IL1RAPL2: variants seen among roughly 807,000 people sequenced by gnomAD.
IL1RAPL2 encodes the protein X-linked interleukin-1 receptor accessory protein-like 2.
IL1RAPL2 carries 3 observed loss-of-function variants against 44.1 expected under a neutral mutation model. The ratio of observed to expected loss-of-function variants is 0.07; its 90% CI spans 0.03 to 0.18. IL1RAPL2 has a LOEUF of 0.18. Ranked by LOEUF, IL1RAPL2 falls within the 10% of genes least tolerant of loss-of-function variation. The pLI, the probability that IL1RAPL2 is intolerant of heterozygous loss-of-function variation, is 1.00. For synonymous variants in IL1RAPL2, 181 were observed against 178.8 expected, an observed-to-expected ratio of 1.01 and a Z score of -0.10; for missense variants, 391 against 496.4, an observed-to-expected ratio of 0.79 and a Z score of 2.02.
chrX:105,690,696 T>C (rs888735395), intron 6 of IL1RAPL2, among the ~76,000 whole-genome samples: 1 of 112,183 alleles, frequency 8.9e-6, no homozygotes. Context: ...TTCCTTATTT[T>C]CTGAGAATTT....
intron 2 of IL1RAPL2, among the ~76,000 whole-genome samples, chrX:104,785,637 C>T (rs1376841501): frequency 1.8e-5 from 2 of 111,661 alleles, no homozygotes; most frequent in African/African-American, 3.3e-5. Flanking sequence ...TCAACCCCCA[C>T]TGCTAGCATT....
At chrX:105,329,558 A>G (rs2034969384) in intron 5 of IL1RAPL2, among the ~76,000 whole-genome samples, 1 of 112,209 alleles carries the variant, frequency 8.9e-6, no homozygotes, top group Non-Finnish European at 1.9e-5. Context: ...ATTGAAAACT[A>G]AGAACAATTG....
At chrX:105,297,522 G>A (rs2034662587) in intron 5 of IL1RAPL2, among the ~76,000 whole-genome samples, 1 of 110,611 alleles carries the variant, frequency 9.0e-6, no homozygotes, top group Non-Finnish European at 1.9e-5. Context: ...GAGGCGAAGG[G>A]GAGGCAGGCA....
chrX:105,523,566 A>G (rs776916245), intron 6 of IL1RAPL2, among the ~76,000 whole-genome samples: 1 of 111,347 alleles, frequency 9.0e-6, no homozygotes, highest in Non-Finnish European at 1.9e-5. Context: ...AATTGAAACA[A>G]ATTGTTTCAT....
chrX:105,105,262 G>C (rs2032724220), intron 2 of IL1RAPL2, among the ~76,000 whole-genome samples: 1 of 111,981 alleles, frequency 8.9e-6, no homozygotes, highest in Admixed American at 9.5e-5. Context: ...GTCAGGCAGT[G>C]TGCTAGGTTC....
chrX:104,705,954 A>G (rs199730538), intron 2 of IL1RAPL2, among the ~76,000 whole-genome samples: 2 of 112,233 alleles, frequency 1.8e-5, no homozygotes, highest in East Asian at 5.6e-4. Flanking sequence ...TGTTTATTAA[A>G]CATTCAAGTG....
At chrX:105,040,142 G>A (rs1029579584) in intron 2 of IL1RAPL2, among the ~76,000 whole-genome samples, 16 of 111,487 alleles carry the variant, frequency 1.4e-4, no homozygotes, top group Admixed American at 1.2e-3. Context: ...AGATAATCAT[G>A]TGGTTTTTGT....
intron 5 of IL1RAPL2, among the ~76,000 whole-genome samples, chrX:105,391,458 C>G (rs868509284): frequency 7.0e-4 from 70 of 99,544 alleles, no homozygotes; most frequent in African/African-American, 2.6e-3. Flanking sequence ...CCATCTCACA[C>G]CAGTTAGAAT....
At chrX:105,306,246 A>G (rs1160202412) in intron 5 of IL1RAPL2, among the ~76,000 whole-genome samples, 1 of 111,429 alleles carries the variant, frequency 9.0e-6, no homozygotes, top group Non-Finnish European at 1.9e-5. Context: ...TTTTTTCAGA[A>G]AAATCTTAAA....
intron 5 of IL1RAPL2, among the ~76,000 whole-genome samples, chrX:105,335,468 A>G (rs1318005643): frequency 1.8e-5 from 2 of 110,875 alleles, no homozygotes; most frequent in Non-Finnish European, 1.9e-5. Flanking sequence ...TTCTTCTCCT[A>G]GCAGCCACAA....
At chrX:104,912,609 GA>G (rs1440651819) in intron 2 of IL1RAPL2, among the ~76,000 whole-genome samples, 7 of 111,427 alleles carry the variant, frequency 6.3e-5, no homozygotes. Context: ...TCAGAGGTAG[GA>G]AAAATACTTA....
intron 1 of IL1RAPL2, among the ~76,000 whole-genome samples, chrX:104,621,727 A>AT (rs1294665634): frequency 9.0e-6 from 1 of 111,070 alleles, no homozygotes; most frequent in Non-Finnish European, 1.9e-5. Context: ...CAAATTGATA[A>AT]TTTTTTTCTC....
intron 2 of IL1RAPL2, among the ~76,000 whole-genome samples, chrX:105,087,003 T>A (rs1332784330): frequency 9.1e-6 from 1 of 109,991 alleles, no homozygotes; most frequent in Non-Finnish European, 1.9e-5. Context: ...AACAGATTTT[T>A]AAAAAAACCC....
chrX:105,305,910 T>G (rs2034733672), intron 5 of IL1RAPL2, among the ~76,000 whole-genome samples: 1 of 111,638 alleles, frequency 9.0e-6, no homozygotes, highest in Non-Finnish European at 1.9e-5. Context: ...GGAAAATAAT[T>G]TTTCAAAATC....
chrX:105,465,787 CT>C (rs781776452), intron 5 of IL1RAPL2, among the ~76,000 whole-genome samples: 1 of 111,688 alleles, frequency 9.0e-6, no homozygotes, highest in South Asian at 3.7e-4. Context: ...ATTAACCTGA[CT>C]TTTCTGTGCA....
rs769583949 is a variant in IL1RAPL2, at chrX:105,488,614, G to A, written c.772+4227G>A. Among the ~76,000 whole-genome samples, 94 of 112,276 alleles carry A rather than the reference G, an allele frequency of 8.4e-4. 2 individuals carry two copies. The highest frequency in any genetic ancestry group is 8.5e-4 in the Admixed American group (9 of 10,598). ...GAACAAACATTAATCAGTTTATCTA[G>A]AGCATTATTAATTTTATTTTTCCCA... On this transcript the variant is annotated intron_variant, in intron 6 of 10. Coordinates refer to ENST00000372582, the MANE Select transcript of IL1RAPL2 (RefSeq NM_017416.2).
At chrX:104,888,208 AAAG>A (rs1179052804) in intron 2 of IL1RAPL2, among the ~76,000 whole-genome samples, 1 of 103,243 alleles carries the variant, frequency 9.7e-6, no homozygotes, top group East Asian at 3.1e-4. Flanking sequence ...AGACCAGAAG[AAAG>A]AAAAGAGAGA....
intron 3 of IL1RAPL2, among the ~76,000 whole-genome samples, chrX:105,225,695 T>TTTTA (rs1207679834): frequency 1.9e-5 from 2 of 106,861 alleles, no homozygotes; most frequent in East Asian, 5.8e-4. Flanking sequence ...TTTTATTTTA[T>TTTTA]TTTTTTTTCT....
chrX:105,531,158 C>T (rs899943352), intron 6 of IL1RAPL2, among the ~76,000 whole-genome samples: 2 of 111,428 alleles, frequency 1.8e-5, no homozygotes, highest in Non-Finnish European at 3.8e-5. Flanking sequence ...GCCTAATTTA[C>T]GTTACCACCA....
Sources: allele counts gnomAD v4.1 joint callset (sites outside exome capture counted in the v4.1 genomes callset), GRCh38; gene constraint gnomAD v4.1.1; transcripts MANE v1.5; gene names NCBI Gene and HGNC (gene_info 2026-07-23, HGNC 2026-07-21).